Variants in INO80 observed in about 807,000 individuals in gnomAD.
The protein encoded by INO80 is chromatin-remodeling ATPase INO80.
Under a neutral mutation model 203.4 loss-of-function variants are expected in INO80, and 20 were observed. The observed-to-expected ratio is 0.10, with a 90% CI of 0.07 to 0.14. The LOEUF is 0.14. INO80 is among the 10% of genes least tolerant of loss of function. The probability of loss-of-function intolerance (pLI) is 1.00; values close to 1 mark genes in which losing one functional copy is unlikely to be tolerated. For synonymous variants in INO80, 726 were observed against 685.2 expected (o/e 1.06, Z -0.93); for missense variants, 1,419 against 1,914.4 (o/e 0.74, Z 4.83).
At chr15:40,991,091 C>A (rs1021430127) in intron 29 of INO80, among the ~76,000 whole-genome samples, 5 of 152,054 alleles carry the variant, frequency 3.3e-5, no homozygotes, top group African/African-American at 1.2e-4. Context: ...ACATTTTTTC[C>A]TAGAAGACCC....
chr15:41,078,343 A>G (rs2045436207), intron 9 of INO80, among the ~76,000 whole-genome samples: 1 of 152,220 alleles, frequency 6.6e-6, no homozygotes. Context: ...TCAGTTAGCT[A>G]TCAACATAAC....
chr15:41,048,838 A>T (rs552264854), intron 21 of INO80, among the ~76,000 whole-genome samples: 1 of 152,330 alleles, frequency 6.6e-6, no homozygotes, highest in Non-Finnish European at 1.5e-5. Context: ...TTCTGAATGG[A>T]AGTCGTCTCT....
chr15:41,108,689 G>T (rs1238803755), intron 1 of INO80, among the ~76,000 whole-genome samples: 1 of 152,082 alleles, frequency 6.6e-6, no homozygotes, highest in Non-Finnish European at 1.5e-5. Context: ...TGTAAAATGG[G>T]GGTTCAATTC....
intron 29 of INO80, among the ~76,000 whole-genome samples, chr15:40,991,115 C>T (rs140560904): frequency 6.6e-6 from 1 of 152,240 alleles, no homozygotes; most frequent in African/African-American, 2.4e-5. Context: ...GGCAACCAAA[C>T]CTGATTCAAC....
chr15:40,990,606 G>A (rs933101366), intron 29 of INO80, among the ~76,000 whole-genome samples: 25 of 152,196 alleles, frequency 1.6e-4, no homozygotes, highest in African/African-American at 5.3e-4. Flanking sequence ...GAAAGTCACC[G>A]TGAATGCTTA....
At chr15:41,027,389 T>C (rs1367780361) in intron 25 of INO80, among the ~76,000 whole-genome samples, 1 of 152,230 alleles carries the variant, frequency 6.6e-6, no homozygotes, top group African/African-American at 2.4e-5. Context: ...CATACAACTA[T>C]TCTTAAATCA....
chr15:41,035,027 A>C (rs116308262), intron 24 of INO80, among the ~76,000 whole-genome samples: 2,952 of 152,310 alleles, frequency 0.019, 91 homozygotes, highest in African/African-American at 0.067. Flanking sequence ...CTGAAAATGA[A>C]ACCTCGTTAT....
intron 28 of INO80, among the ~76,000 whole-genome samples, chr15:41,001,638 G>A (rs1209738212): frequency 6.6e-6 from 1 of 152,228 alleles, no homozygotes; most frequent in African/African-American, 2.4e-5. Flanking sequence ...AAGACCTTGT[G>A]AATGGCTTCC....
At chr15:41,006,841 G>A (rs2044048389) in intron 27 of INO80, among the ~76,000 whole-genome samples, 1 of 152,054 alleles carries the variant, frequency 6.6e-6, no homozygotes, top group Non-Finnish European at 1.5e-5. Context: ...TCTCAAAGTG[G>A]TTCCTTAAGA....
Position 41,075,259 on chromosome 15 carries a change from CAT to C in INO80, c.1132-696_1132-695del, listed in dbSNP as rs370719487. Among the ~76,000 whole-genome samples, 201 of 151,702 alleles carry C rather than the reference CAT, an allele frequency of 1.3e-3. 2 individuals carry two copies. Among genetic ancestry groups the C allele is most frequent in the African/African-American group, 4.1e-3 (169 of 41,318 alleles). On this transcript the variant is annotated intron_variant, in intron 9 of 35. Transcript: ENST00000648947. ...GCTTTATTATTTTTGAAAATGTACA[CAT>C]GTCAGAAACTTTTCTTTTTTTTTTT...
At chr15:41,049,495 C>T (rs1315651675) in intron 20 of INO80, 75 bp from the exon 21 acceptor site, 9 of 1,400,192 alleles carry the variant, frequency 6.4e-6, no homozygotes, top group African/African-American at 1.4e-5. Context: ...ATCCCAAATC[C>T]CAAATGTTTA....
At chr15:41,032,260 C>A (rs534969727) in intron 24 of INO80, among the ~76,000 whole-genome samples, 2 of 152,320 alleles carry the variant, frequency 1.3e-5, no homozygotes, top group South Asian at 2.1e-4. Context: ...CTTTCTACAT[C>A]TTTTCTTAAA....
rs2045424788 is a variant in INO80, at chr15:41,077,563, CTTTG to C, written c.1131+2134_1131+2137del. ...AAACCTAAAGTGCTATCAAGAAAAT[CTTTG>C]TTTTTTTCTGAAGAGATGGTATCTT... is the stretch of plus-strand genomic sequence containing the variant. On this transcript the variant is annotated intron_variant, in intron 9 of 35. Coordinates refer to ENST00000648947, the MANE Select transcript of INO80 (RefSeq NM_017553.3). 2.0e-5 allele frequency among the ~76,000 whole-genome samples: 3 copies of C among 152,026 alleles called. No individual in the cohort carries two copies. In the South Asian group the frequency reaches 6.2e-4, roughly 32 times the overall value.
chr15:41,107,144 T>C (rs574141776), intron 1 of INO80, among the ~76,000 whole-genome samples: 11 of 152,354 alleles, frequency 7.2e-5, no homozygotes, highest in East Asian at 1.9e-4. Context: ...CTGTCAAGAT[T>C]TGCATGCCTG....
At chr15:40,991,775 T>A (rs933754676) in intron 29 of INO80, among the ~76,000 whole-genome samples, 7 of 151,606 alleles carry the variant, frequency 4.6e-5, no homozygotes, top group African/African-American at 1.7e-4. Flanking sequence ...CAGGAAAATT[T>A]CTTTCTTTTT....
intron 1 of INO80, among the ~76,000 whole-genome samples, chr15:41,109,628 C>A (rs899649215): frequency 6.6e-6 from 1 of 151,708 alleles, no homozygotes; most frequent in Non-Finnish European, 1.5e-5. Context: ...GAAACCCTAT[C>A]TTACTAAAAA....
chr15:40,999,932 A>C (rs2043936518), intron 28 of INO80, among the ~76,000 whole-genome samples: 1 of 152,082 alleles, frequency 6.6e-6, no homozygotes, highest in Non-Finnish European at 1.5e-5. Flanking sequence ...ATCTACATAA[A>C]ATTTTTTTTA....
At chr15:40,993,202 G>C (rs1400090085) in intron 29 of INO80, among the ~76,000 whole-genome samples, 2 of 152,048 alleles carry the variant, frequency 1.3e-5, no homozygotes, top group Admixed American at 1.3e-4. Context: ...CTGGCAGGAC[G>C]CTCTTTACTC....
intron 24 of INO80, among the ~76,000 whole-genome samples, chr15:41,042,513 AC>A (rs2044685599): frequency 6.6e-6 from 1 of 150,770 alleles, no homozygotes; most frequent in African/African-American, 2.4e-5. Flanking sequence ...TCGCTCTGTC[AC>A]CCAGGCTGGA....
Sources: gnomAD v4.1 joint callset for allele counts (sites outside exome capture counted in the v4.1 genomes callset) on GRCh38, gnomAD v4.1.1 for gene constraint, MANE v1.5 for transcripts, NCBI Gene and HGNC (gene_info 2026-07-23, HGNC 2026-07-21) for gene names.